The following PALB2 variants were observed in gnomAD, a reference collection of about 807,000 sequenced individuals.
The protein encoded by PALB2 is partner and localizer of BRCA2, also known as mutant partner and localizer of BRCA2.
Under a neutral mutation model 107.4 loss-of-function variants are expected in PALB2, and 82 were observed. The observed-to-expected ratio is 0.76, with a 90% confidence interval of 0.64 to 0.92. The LOEUF is 0.92. Ranked by LOEUF, PALB2 falls within the 40% of genes least tolerant of loss-of-function variation. The pLI is 0.00. For missense variants in PALB2, 1,374 were observed against 1,379.9 expected (o/e 1.00, Z 0.07); for synonymous variants, 489 against 496.8 (o/e 0.98, Z 0.21).
intron 12 of PALB2, among the ~76,000 whole-genome samples, chr16:23,606,564 A>C (rs1436450311): frequency 6.6e-6 from 1 of 152,038 alleles, no homozygotes; most frequent in Non-Finnish European, 1.5e-5. Context: ...GATTCACTTC[A>C]GCCCAGGCTG....
chr16:23,609,947 G>T (rs114466764), intron 11 of PALB2, among the ~76,000 whole-genome samples: 5,088 of 152,190 alleles, frequency 0.033, 118 homozygotes, highest in Middle Eastern at 0.088. Flanking sequence ...CAAAGCACTG[G>T]AATTACAGCT....
At chr16:23,622,413 A>T (rs1259222763) in intron 9 of PALB2, among the ~76,000 whole-genome samples, 1 of 151,482 alleles carries the variant, frequency 6.6e-6, no homozygotes, top group African/African-American at 2.4e-5. Flanking sequence ...GTGTGTGTTT[A>T]AGATTAGGTC....
chr16:23,610,130 C>T (rs994840504), intron 11 of PALB2, among the ~76,000 whole-genome samples: 4 of 152,146 alleles, frequency 2.6e-5, no homozygotes, highest in South Asian at 2.1e-4. Context: ...TAGAACACAG[C>T]TACATCTATC....
At position 23,626,354 on chromosome 16, in the gene PALB2, C is replaced by CA; in HGVS notation, c.2629dup (p.Trp877LeufsTer7). ...TGGCTCTTTACAACCGGCTCTTTCC[C>CA]AAAACATGGCACTCACATCTACGGA... is the stretch of plus-strand genomic sequence containing the variant. On this transcript the variant is annotated frameshift_variant, in exon 7 of 13. Coordinates refer to ENST00000261584, the MANE Select transcript of PALB2 (RefSeq NM_024675.4). LOFTEE classifies it high-confidence loss of function. 1.2e-6 allele frequency: 2 copies of CA among 1,614,194 alleles called. No individual in the cohort carries two copies. Among genetic ancestry groups the CA allele is most frequent in the Non-Finnish European group, 1.7e-6 (2 of 1,180,046 alleles).
At chr16:23,622,818 T>G in intron 9 of PALB2, 151 bp downstream of exon 9, 1 of 854,408 alleles carries the variant, frequency 1.2e-6, no homozygotes, top group Non-Finnish European at 1.9e-6. Flanking sequence ...ACTAACCTGC[T>G]TCTATGTCAT....
Position 23,637,863 on chromosome 16 carries a change from C to T in PALB2, c.198G>A (p.Gln66=), listed in dbSNP as rs2142455661. Residue 66 remains glutamine (Q), a synonymous_variant, in exon 3 of 13, where the codon CAG becomes CAA. Transcript: ENST00000261584. ...DCLSQQDLSP[Q]LKHSEPKNKI... ...GTCTAGATTTACCTGAGTGTTTTAGCTGCGGTGAGAGATCCTGCTGAGACA... is the reference window on the plus strand; with the variant it reads ...GTCTAGATTTACCTGAGTGTTTTAGTTGCGGTGAGAGATCCTGCTGAGACA... The T allele has an allele frequency of 6.2e-7, 1 of 1,611,928 alleles. No homozygotes were observed. The highest frequency in any genetic ancestry group is 2.2e-5 in the East Asian group (1 of 44,862).
At chr16:23,639,322 C>G (rs1411034598) in intron 1 of PALB2, among the ~76,000 whole-genome samples, 1 of 151,888 alleles carries the variant, frequency 6.6e-6, no homozygotes, top group Non-Finnish European at 1.5e-5. Context: ...CATTTGAGGT[C>G]AAGAGTTCGA....
chr16:23,625,491 C>T (rs1261875145), intron 7 of PALB2, among the ~76,000 whole-genome samples: 1 of 151,746 alleles, frequency 6.6e-6, no homozygotes, highest in African/African-American at 2.4e-5. Flanking sequence ...CATGGCAAAA[C>T]CCTGTCTGCA....
chr16:23,603,816 G>T, intron 12 of PALB2, 147 bp from the exon 13 acceptor site: 2 of 718,310 alleles, frequency 2.8e-6, no homozygotes, highest in East Asian at 2.7e-5. Context: ...AGCCTTAGAG[G>T]TCTGTTGGCT....
chr16:23,605,055 CAGAG>C (rs1267375506), intron 12 of PALB2, among the ~76,000 whole-genome samples: 1 of 151,998 alleles, frequency 6.6e-6, no homozygotes, highest in Non-Finnish European at 1.5e-5. Flanking sequence ...GCCTGGGCAA[CAGAG>C]AGAAACTCCG....
Position 23,635,296 on chromosome 16 carries a change from G to A in PALB2, c.1250C>T (p.Ser417Phe), listed in dbSNP as rs45510998. 6.2e-7 allele frequency: 1 copy of A among 1,614,082 alleles called. No individual in the cohort carries two copies. The highest frequency in any genetic ancestry group is 8.5e-7 in the Non-Finnish European group (1 of 1,180,026). The change falls in exon 4 of 13, where the codon TCC (serine) becomes TTC (phenylalanine). Residue 417 changes from serine to phenylalanine, a missense_variant. Ser to Phe is a radical substitution (Grantham distance 155). Coordinates refer to ENST00000261584, the MANE Select transcript of PALB2 (RefSeq NM_024675.4). ...CACGGCTACTTTCCTCTGGCAATTG[G>A]ACATGCTTCGTGTTGTTCTAACATA... ...EYYVRTTRSMSNCQRKVAVEA... is the reference protein window; with the variant it reads ...EYYVRTTRSMFNCQRKVAVEA...
rs1060499820 is a variant in PALB2, at chr16:23,629,811, G to A, written c.2343C>T (p.Ser781=). The A allele has an allele frequency of 6.2e-7, 1 of 1,614,176 alleles. No homozygotes were observed. The highest frequency in any genetic ancestry group is 8.5e-7 in the Non-Finnish European group (1 of 1,180,028). The change falls in exon 5 of 13, where the codon AGC becomes AGT. Residue 781 remains serine (S), a synonymous_variant. Transcript: ENST00000261584. The stretch of plus-strand genomic sequence containing the variant: ...GCAGGGTGGTATGTGGTTTTGCTGG[G>A]CTGCCTGAACTGTCGAATTGTTTAG... ...SDTKQFDSSG[S]PAKPHTTLQV... is the part of the protein sequence containing the mutation.
In PALB2 at chr16:23,603,602, A is replaced by T. The variant is rs62625283; in HGVS notation, c.3418T>A (p.Trp1140Arg). The change falls in exon 13 of 13, where the codon TGG becomes AGG. Residue 1140 changes from tryptophan (W) to arginine (R), a missense_variant. Physicochemically the swap from Trp to Arg is moderately radical, Grantham distance 101. Coordinates refer to ENST00000261584, the MANE Select transcript of PALB2 (RefSeq NM_024675.4). ...GTACACTGACCGAGAAGTAAGTCCC[A>T]AATGGCAATTGTTCCAGAAGTCAAG... ...AILTSGTIAIWDLLLGQCTAL... is the reference protein window; with the variant it reads ...AILTSGTIAIRDLLLGQCTAL... 2.5e-6 allele frequency: 4 copies of T among 1,614,204 alleles called. No homozygotes were observed. The highest frequency in any genetic ancestry group is 3.4e-6 in the Non-Finnish European group (4 of 1,180,040).
chr16:23,603,408 T>C lies in PALB2; in HGVS notation c.*51A>G, dbSNP rs1361210733. 5 of 1,466,488 alleles carry C rather than the reference T, an allele frequency of 3.4e-6. No homozygotes were observed. Among genetic ancestry groups the C allele is most frequent in the Non-Finnish European group, 4.8e-6 (5 of 1,046,808 alleles). 90.8% of individuals were successfully genotyped at this position (1,466,488 alleles called of 1,614,324 possible). A position where few individuals can be genotyped will look rare whatever the true frequency, so the allele number is the denominator to read the frequency against. On this transcript the variant is annotated 3_prime_UTR_variant, in exon 13 of 13. Coordinates refer to ENST00000261584, the MANE Select transcript of PALB2 (RefSeq NM_024675.4). ...CCTTTATATTTAAAACTCCAAAAAATACTAAGAGGCCCAATATATCCAGAA... is the reference window on the plus strand; with the variant it reads ...CCTTTATATTTAAAACTCCAAAAAACACTAAGAGGCCCAATATATCCAGAA...
chr16:23,639,591 G>C (rs577665577), intron 1 of PALB2, among the ~76,000 whole-genome samples: 1 of 150,700 alleles, frequency 6.6e-6, no homozygotes, highest in Non-Finnish European at 1.5e-5. Flanking sequence ...AGGCCAAGGC[G>C]GGCAGATTAC....
chr16:23,621,191 T>C (rs546427466), intron 10 of PALB2, among the ~76,000 whole-genome samples, 171 bp downstream of exon 10: 3 of 152,232 alleles, frequency 2.0e-5, no homozygotes, highest in South Asian at 2.1e-4. Context: ...ACCTGGGTGA[T>C]AGGAGGAGAC....
chr16:23,637,836 T>G lies in PALB2; in HGVS notation c.211+14A>C. 1 of 1,584,640 alleles carries G rather than the reference T, an allele frequency of 6.3e-7. No homozygotes were observed. Among genetic ancestry groups the G allele is most frequent in the Non-Finnish European group, 8.7e-7 (1 of 1,153,198 alleles). On this transcript the variant is annotated intron_variant, in intron 3 of 12. Transcript: ENST00000261584. ...GAATAATAAAGCAGGCATAAGTGAA[T>G]GGTCTAGATTTACCTGAGTGTTTTA...
rs515726063 is a variant in PALB2 at position 23,635,401 on chromosome 16, C to A, written c.1145G>T (p.Ser382Ile). The A allele has an allele frequency of 1.8e-5, 29 of 1,613,934 alleles. No homozygotes were observed. Among genetic ancestry groups the A allele is most frequent in the Non-Finnish European group, 1.9e-5 (23 of 1,180,026 alleles). ...SEILSQPKSLSLEATSPLSAE... is the reference protein window; with the variant it reads ...SEILSQPKSLILEATSPLSAE... Reference sequence around the variant, plus strand: ...AGAAAGAGGAGAGGTTGCTTCCAGGCTAAGACTCTTAGGTTGACTTAGAAT... The same window carrying A: ...AGAAAGAGGAGAGGTTGCTTCCAGGATAAGACTCTTAGGTTGACTTAGAAT... Residue 382 changes from serine to isoleucine, a missense_variant, in exon 4 of 13, where the codon AGC (serine) becomes ATC (isoleucine). Coordinates refer to ENST00000261584, the MANE Select transcript of PALB2 (RefSeq NM_024675.4).
intron 1 of PALB2, chr16:23,638,415 A>G (rs1413122694): frequency 1.0e-5 from 5 of 497,812 alleles, no homozygotes; most frequent in Middle Eastern, 3.0e-4. Context: ...GTCCTTCTCC[A>G]AATCTAGGTT....
Sources: allele counts gnomAD v4.1 joint callset (sites outside exome capture counted in the v4.1 genomes callset), GRCh38; gene constraint gnomAD v4.1.1; transcripts MANE v1.5; gene names NCBI Gene and HGNC (gene_info 2026-07-23, HGNC 2026-07-21).